Variants in HEATR6 observed in about 807,000 individuals in gnomAD.
The protein encoded by HEATR6 is HEAT repeat-containing protein 6.
HEATR6 carries 106 observed loss-of-function variants against 132.8 expected under a neutral mutation model. The ratio of observed to expected loss-of-function variants is 0.80; its 90% CI spans 0.68 to 0.94. The LOEUF (loss-of-function observed/expected upper bound fraction) is 0.94, where lower values mean the gene tolerates loss of function less well. Among genes scored for constraint, HEATR6 ranks in the 40% least tolerant of loss-of-function variants. HEATR6 has a pLI of 0.00. For synonymous variants in HEATR6, 529 were observed against 537.8 expected, an observed-to-expected ratio of 0.98 and a Z score of 0.23; for missense variants, 1,339 against 1,425.1, an observed-to-expected ratio of 0.94 and a Z score of 0.97.
chr17:60,046,136 C>A lies in HEATR6; in HGVS notation c.2863G>T (p.Glu955Ter). The A allele has an allele frequency of 1.9e-6, 3 of 1,613,806 alleles. No individual in the cohort carries two copies. Among genetic ancestry groups the A allele is most frequent in the Non-Finnish European group, 2.5e-6 (3 of 1,179,744 alleles). ...GTAGAAATTAGGGCCTGGATAGACT[C>A]CTCAATGATTTCTGCAAATGTGGGT... ...EKPTFAEIIE[E>*]SIQALISTVL... The change falls in exon 19 of 20, where the codon GAG (glutamate) becomes TAG (stop). Residue 955 changes from glutamate to a stop codon, truncating the protein, a stop_gained. Coordinates refer to ENST00000184956, the MANE Select transcript of HEATR6 (RefSeq NM_022070.5). LOFTEE classifies it high-confidence loss of function.
intron 3 of HEATR6, 140 bp from the exon 4 acceptor site, chr17:60,073,419 G>T: frequency 1.6e-6 from 1 of 620,320 alleles, no homozygotes; most frequent in Admixed American, 2.8e-5. Context: ...TGTCTCCGAT[G>T]GATATGCAAA....
In HEATR6 at chr17:60,043,392, T is replaced by A; in HGVS notation, c.*171A>T. 1.6e-6 allele frequency: 1 copy of A among 618,454 alleles called. No individual in the cohort carries two copies. Among genetic ancestry groups the A allele is most frequent in the South Asian group, 2.0e-5 (1 of 49,238 alleles). 38.3% of individuals were successfully genotyped at this position (618,454 alleles called of 1,614,324 possible). A position where few individuals can be genotyped will look rare whatever the true frequency, so the allele number is the denominator to read the frequency against. ...CCTGACCATGGCCAGTGCTATGGAG[T>A]CACTCCAAAGGTGGTTGAGCCCTCT... On this transcript the variant is annotated 3_prime_UTR_variant, in exon 20 of 20. Transcript: ENST00000184956.
At chr17:60,071,955 G>A (rs2145200932) in intron 5 of HEATR6, among the ~76,000 whole-genome samples, 1 of 152,250 alleles carries the variant, frequency 6.6e-6, no homozygotes, top group East Asian at 1.9e-4. Flanking sequence ...TCACTAGCCT[G>A]CAACTATTGC....
In HEATR6 at chr17:60,073,778, G is replaced by C. The variant is rs573129767; in HGVS notation, c.436C>G (p.Leu146Val). ...HREILQALAA[L>V]VYCNGSKCQK... ...CATTTGGAGCCATTGCAGTACACCA[G>C]AGCTGCCAGGGCTTGAAGAATTTCC... The change falls in exon 3 of 20, where the codon CTG (leucine) becomes GTG (valine). Residue 146 changes from leucine (L) to valine (V), a missense_variant. Transcript: ENST00000184956. 2.5e-6 allele frequency: 4 copies of C among 1,614,132 alleles called. No homozygotes were observed. The highest frequency in any genetic ancestry group is 1.1e-5 in the South Asian group (1 of 91,088).
intron 17 of HEATR6, among the ~76,000 whole-genome samples, chr17:60,047,900 C>T (rs1350011149): frequency 6.6e-6 from 1 of 152,104 alleles, no homozygotes; most frequent in African/African-American, 2.4e-5. Flanking sequence ...CTGAATGCTG[C>T]TTTGTACTAT....
intron 5 of HEATR6, among the ~76,000 whole-genome samples, chr17:60,071,160 A>C (rs2083268201): frequency 6.6e-6 from 1 of 152,248 alleles, no homozygotes. Context: ...AAGCTCTGTA[A>C]TATGGCAAAC....
At chr17:60,069,238 C>T (rs902511270) in intron 7 of HEATR6, among the ~76,000 whole-genome samples, 1 of 152,244 alleles carries the variant, frequency 6.6e-6, no homozygotes, top group Non-Finnish European at 1.5e-5. Flanking sequence ...CAAATTATGG[C>T]CCAAAAGCCA....
In HEATR6 at chr17:60,066,359, T is replaced by A. The variant is rs1170360527; in HGVS notation, c.1266A>T (p.Gly422=). 1 of 1,611,160 alleles carries A rather than the reference T, an allele frequency of 6.2e-7. No homozygotes were observed. The highest frequency in any genetic ancestry group is 8.5e-7 in the Non-Finnish European group (1 of 1,179,186). The change falls in exon 9 of 20, where the codon GGA becomes GGT. Residue 422 remains glycine (G), a synonymous_variant. Coordinates refer to ENST00000184956, the MANE Select transcript of HEATR6 (RefSeq NM_022070.5). ...MRSYQAKVRQ[G]ALVCFLSTIK... ...TAGTAGAAAGAAAACAAACTAAGGC[T>A]CCTTGGCGAACTTTAGCTTGGTAAG...
intron 5 of HEATR6, 50 bp from the exon 6 acceptor site, chr17:60,070,857 TC>T: frequency 2.0e-6 from 2 of 1,015,678 alleles, no homozygotes; most frequent in Non-Finnish European, 3.1e-6. Flanking sequence ...AATCTGGTTG[TC>T]CAGGAATCAA....
intron 11 of HEATR6, among the ~76,000 whole-genome samples, chr17:60,058,522 G>A (rs1236906964): frequency 2.6e-5 from 4 of 152,186 alleles, no homozygotes; most frequent in Non-Finnish European, 4.4e-5. Context: ...TGAATGTGAT[G>A]GGAAACCTTA....
At position 60,043,531 on chromosome 17, in the gene HEATR6, G is replaced by T. The variant is rs781111870; in HGVS notation, c.*32C>A. 2 of 1,552,162 alleles carry T rather than the reference G, an allele frequency of 1.3e-6. No individual in the cohort carries two copies. Among genetic ancestry groups the T allele is most frequent in the Non-Finnish European group, 1.8e-6 (2 of 1,136,332 alleles). ...CTCAAGCTCAGGTCTTCCTACTGCC[G>T]CCTTCGACATCTAGAAAGTATGGTG... On this transcript the variant is annotated 3_prime_UTR_variant, in exon 20 of 20. Coordinates refer to ENST00000184956, the MANE Select transcript of HEATR6 (RefSeq NM_022070.5).
chr17:60,055,716 C>A, intron 13 of HEATR6, 115 bp from the exon 14 acceptor site: 1 of 617,270 alleles, frequency 1.6e-6, no homozygotes, highest in Non-Finnish European at 2.8e-6. Context: ...ACTCGAGTAA[C>A]ACCTTCACTC....
At chr17:60,075,184 TC>T (rs1272015672) in intron 2 of HEATR6, among the ~76,000 whole-genome samples, 1 of 152,208 alleles carries the variant, frequency 6.6e-6, no homozygotes, top group Non-Finnish European at 1.5e-5. Flanking sequence ...TGAACAGTAA[TC>T]ATTTCTTTGG....
chr17:60,069,940 A>G, intron 6 of HEATR6, 92 bp from the exon 7 acceptor site: 1 of 1,454,944 alleles, frequency 6.9e-7, no homozygotes. Flanking sequence ...ACTATTTACC[A>G]TGTCTGGATC....
chr17:60,043,050 C>T lies in HEATR6; in HGVS notation c.*513G>A, dbSNP rs1308584004. The stretch of plus-strand genomic sequence containing the variant: ...CTGTGTGGCTGTGAGGCACCGTCAG[C>T]ATCCTCGGTCCTGTGCGGCTGTGAG... On this transcript the variant is annotated 3_prime_UTR_variant, in exon 20 of 20. Coordinates refer to ENST00000184956, the MANE Select transcript of HEATR6 (RefSeq NM_022070.5). 5.2e-6 allele frequency: 1 copy of T among 190,914 alleles called. No homozygotes were observed. The highest frequency in any genetic ancestry group is 1.8e-4 in the East Asian group (1 of 5,642). 11.8% of individuals were successfully genotyped at this position (190,914 alleles called of 1,614,324 possible). A position where few individuals can be genotyped will look rare whatever the true frequency, so the allele number is the denominator to read the frequency against.
At chr17:60,045,371 A>C (rs1906332180) in intron 19 of HEATR6, among the ~76,000 whole-genome samples, 1 of 152,226 alleles carries the variant, frequency 6.6e-6, no homozygotes, top group Admixed American at 6.5e-5. Flanking sequence ...GAGAGATGCA[A>C]TAAAGCGAAC....
chr17:60,043,765 T>C lies in HEATR6; in HGVS notation c.3344A>G (p.Glu1115Gly), dbSNP rs369582940. The C allele has an allele frequency of 4.4e-5, 71 of 1,614,074 alleles. No individual in the cohort carries two copies. The highest frequency in any genetic ancestry group is 5.6e-5 in the Non-Finnish European group (66 of 1,180,040). Reference protein sequence around the residue: ...YILQFLKSGAEGDDTGAPHSP... With the variant: ...YILQFLKSGAGGDDTGAPHSP... ...GTGGGGTGCTCCAGTGTCATCTCCCTCTGCTCCTGATTTTAAAAACTGTAG... is the reference window on the plus strand; with the variant it reads ...GTGGGGTGCTCCAGTGTCATCTCCCCCTGCTCCTGATTTTAAAAACTGTAG... The change falls in exon 20 of 20, where the codon GAG becomes GGG. Residue 1115 changes from glutamate to glycine, a missense_variant. Transcript: ENST00000184956.
At chr17:60,069,886 A>C in intron 6 of HEATR6, 38 bp from the exon 7 acceptor site, 1 of 1,603,102 alleles carries the variant, frequency 6.2e-7, no homozygotes, top group Non-Finnish European at 8.5e-7. Flanking sequence ...ACACACACGA[A>C]ACCAAAAAAA....
intron 6 of HEATR6, 35 bp from the exon 7 acceptor site, chr17:60,069,883 C>A (rs367636181): frequency 3.8e-6 from 6 of 1,597,384 alleles, no homozygotes; most frequent in African/African-American, 1.4e-5. Context: ...CACACACACA[C>A]GAAACCAAAA....
Sources: gnomAD v4.1 joint callset for allele counts (sites outside exome capture counted in the v4.1 genomes callset) on GRCh38, gnomAD v4.1.1 for gene constraint, MANE v1.5 for transcripts, NCBI Gene and HGNC (gene_info 2026-07-23, HGNC 2026-07-21) for gene names.